Variants in B3GALT1 observed in about 807,000 individuals in gnomAD.
B3GALT1 encodes the protein UDP-Gal:betaGlcNAc beta 1,3-galactosyltransferase, polypeptide 1.
Under a neutral mutation model 23.2 loss-of-function variants are expected in B3GALT1, and 10 were observed. That is an observed-to-expected ratio of 0.43 (90% CI 0.27 to 0.73). The LOEUF (loss-of-function observed/expected upper bound fraction) is 0.73, where lower values mean the gene tolerates loss of function less well. B3GALT1 is among the 30% of genes least tolerant of loss of function. B3GALT1 has a pLI of 0.21. For synonymous variants in B3GALT1, 156 were observed against 141.5 expected (o/e 1.10, Z -0.73); for missense variants, 299 against 405.4 (o/e 0.74, Z 2.25).
intron 3 of B3GALT1, among the ~76,000 whole-genome samples, chr2:167,805,098 T>C (rs910670661): frequency 4.6e-5 from 7 of 152,262 alleles, no homozygotes; most frequent in African/African-American, 7.2e-5. Flanking sequence ...CATTTTTTCA[T>C]GTGTCTTTTG....
chr2:167,735,063 A>G (rs1181577467), intron 3 of B3GALT1, among the ~76,000 whole-genome samples: 1 of 152,174 alleles, frequency 6.6e-6, no homozygotes, highest in Non-Finnish European at 1.5e-5. Flanking sequence ...CACTCCAACA[A>G]TATTTCAGCT....
chr2:167,445,496 G>A (rs1698968370), intron 1 of B3GALT1, among the ~76,000 whole-genome samples: 1 of 152,126 alleles, frequency 6.6e-6, no homozygotes, highest in African/African-American at 2.4e-5. Flanking sequence ...TTGTGTGGGA[G>A]GCTAAGTCTC....
At chr2:167,329,208 T>G (rs1340758705) in intron 1 of B3GALT1, among the ~76,000 whole-genome samples, 1 of 152,244 alleles carries the variant, frequency 6.6e-6, no homozygotes, top group African/African-American at 2.4e-5. Flanking sequence ...TATGTTGTGT[T>G]TCCATTTTAT....
chr2:167,797,156 G>A (rs1015835779), intron 3 of B3GALT1, among the ~76,000 whole-genome samples: 2 of 152,254 alleles, frequency 1.3e-5, no homozygotes, highest in African/African-American at 2.4e-5. Flanking sequence ...GCCCCAGTGT[G>A]TGTTGTTCCC....
intron 3 of B3GALT1, among the ~76,000 whole-genome samples, chr2:167,683,267 A>G (rs1686565587): frequency 6.6e-6 from 1 of 152,192 alleles, no homozygotes; most frequent in Non-Finnish European, 1.5e-5. Context: ...GTGGCAGTAG[A>G]CACCAAAGAC....
At chr2:167,862,053 G>A (rs988038902) in intron 4 of B3GALT1, among the ~76,000 whole-genome samples, 9 of 152,144 alleles carry the variant, frequency 5.9e-5, no homozygotes, top group African/African-American at 2.2e-4. Context: ...AAGCCAATTC[G>A]GTGTAACTGG....
In B3GALT1 at chr2:167,867,835, A is replaced by G. The variant is rs140035289; in HGVS notation, c.-229-976A>G. Among the ~76,000 whole-genome samples the G allele has an allele frequency of 1.0e-3, 157 of 152,338 alleles. 1 individual carries two copies. The highest frequency in any genetic ancestry group is 3.7e-3 in the African/African-American group (152 of 41,586). ...ATATAGGAACTGGCGCGAAGTTTTA[A>G]AAGTTCTAGAAAGCAGTAGAAGTTC... On this transcript the variant is annotated intron_variant, in intron 4 of 4. Coordinates refer to ENST00000392690, the MANE Select transcript of B3GALT1 (RefSeq NM_020981.4).
intron 3 of B3GALT1, chr2:167,715,265 A>C: frequency 1.9e-6 from 3 of 1,613,978 alleles, no homozygotes; most frequent in African/African-American, 2.7e-5. Flanking sequence ...GTGTCCAGTC[A>C]GGGTCTTGAT....
intron 3 of B3GALT1, among the ~76,000 whole-genome samples, chr2:167,682,420 G>A (rs1453891519): frequency 6.6e-6 from 1 of 152,126 alleles, no homozygotes; most frequent in African/African-American, 2.4e-5. Context: ...CATTTGCATT[G>A]CAAAGTTAAA....
At chr2:167,787,975 C>T (rs998259457) in intron 3 of B3GALT1, among the ~76,000 whole-genome samples, 2 of 152,120 alleles carry the variant, frequency 1.3e-5, no homozygotes, top group African/African-American at 4.8e-5. Flanking sequence ...ATTACGGTAG[C>T]CCCATTCAGG....
intron 3 of B3GALT1, among the ~76,000 whole-genome samples, chr2:167,728,979 C>T (rs1187205184): frequency 1.3e-5 from 2 of 152,080 alleles, no homozygotes; most frequent in African/African-American, 4.8e-5. Context: ...CTTCTTAGCC[C>T]TTATTTTAAT....
Position 167,559,537 on chromosome 2 carries a change from A to G in B3GALT1, c.-410+69260A>G, listed in dbSNP as rs147357350. Among the ~76,000 whole-genome samples the G allele has an allele frequency of 4.2e-3, 644 of 152,332 alleles. 22 individuals carry two copies. In the East Asian group the frequency reaches 0.083, roughly 20 times the overall value. ...TACAGGAGGAAATTCAAACCAAAGC[A>G]AAGAAGTTGAAAACTTTGAAAAAAA... On this transcript the variant is annotated intron_variant, in intron 2 of 4. Coordinates refer to ENST00000392690, the MANE Select transcript of B3GALT1 (RefSeq NM_020981.4).
rs192801276 is a variant in B3GALT1 at position 167,560,741 on chromosome 2, A to C, written c.-410+70464A>C. On this transcript the variant is annotated intron_variant, in intron 2 of 4. Transcript: ENST00000392690. ...TACATAATGGTAAAGGAATCAATTC[A>C]ACAAGAAGAGCTAACTGTCCTAAAT... 4.2e-3 allele frequency among the ~76,000 whole-genome samples: 647 copies of C among 152,238 alleles called. 23 individuals are homozygous for C. In the East Asian group the frequency reaches 0.083, roughly 20 times the overall value.
At chr2:167,629,592 A>G (rs1685404890) in intron 2 of B3GALT1, among the ~76,000 whole-genome samples, 1 of 151,696 alleles carries the variant, frequency 6.6e-6, no homozygotes, top group African/African-American at 2.4e-5. Context: ...GAACCTCTGA[A>G]CCATTGTTTT....
intron 3 of B3GALT1, among the ~76,000 whole-genome samples, chr2:167,740,532 A>G (rs1217620064): frequency 6.6e-6 from 1 of 152,202 alleles, no homozygotes; most frequent in Non-Finnish European, 1.5e-5. Flanking sequence ...TTATAGGATG[A>G]TAATAAATAA....
chr2:167,567,537 T>G lies in B3GALT1; in HGVS notation c.-410+77260T>G, dbSNP rs1684194488. Among the ~76,000 whole-genome samples, 3 of 152,282 alleles carry G rather than the reference T, an allele frequency of 2.0e-5. No individual in the cohort carries two copies. In the South Asian group the frequency reaches 6.2e-4, roughly 32 times the overall value. ...CTACTGTCACTATGCCTGTTTTGGT[T>G]GTTTTATTGTGGTGTTCTTTGTTTT... On this transcript the variant is annotated intron_variant, in intron 2 of 4. Coordinates refer to ENST00000392690, the MANE Select transcript of B3GALT1 (RefSeq NM_020981.4).
chr2:167,839,708 C>CCCG (rs759286287), intron 4 of B3GALT1, among the ~76,000 whole-genome samples: 10 of 152,202 alleles, frequency 6.6e-5, no homozygotes, highest in Non-Finnish European at 1.5e-4. Flanking sequence ...CAAAAAAGAG[C>CCCG]CCGCCTTGTC....
chr2:167,652,664 C>T (rs1256627424), intron 3 of B3GALT1, among the ~76,000 whole-genome samples: 2 of 151,974 alleles, frequency 1.3e-5, no homozygotes, highest in African/African-American at 4.8e-5. Flanking sequence ...CTTATGGTGC[C>T]CTTATTACAT....
At chr2:167,390,031 C>A (rs1697996126) in intron 1 of B3GALT1, among the ~76,000 whole-genome samples, 2 of 151,894 alleles carry the variant, frequency 1.3e-5, no homozygotes, top group African/African-American at 2.4e-5. Context: ...CGCATCAAGG[C>A]AGAAGCCCAA....
Sources: gnomAD v4.1 joint callset for allele counts (sites outside exome capture counted in the v4.1 genomes callset) on GRCh38, gnomAD v4.1.1 for gene constraint, MANE v1.5 for transcripts, NCBI Gene and HGNC (gene_info 2026-07-23, HGNC 2026-07-21) for gene names.